Variants in LSM3 observed in about 807,000 individuals in gnomAD.
LSM3 encodes the protein LSM3 homolog, U6 small nuclear RNA and mRNA degradation associated.
In LSM3, 14 loss-of-function variants were observed where a neutral mutation model predicts 15.4. That is an observed-to-expected ratio of 0.91 (90% CI 0.60 to 1.42). LSM3 has a LOEUF of 1.42. Among genes scored for constraint, LSM3 ranks in the 40% most tolerant of loss-of-function variants. LSM3 has a pLI of 0.00. For synonymous variants in LSM3, 46 were observed against 45.1 expected (o/e 1.02, Z -0.08); for missense variants, 88 against 127.9 (o/e 0.69, Z 1.50).
intron 3 of LSM3, among the ~76,000 whole-genome samples, chr3:14,188,089 G>A (rs909309609): frequency 1.3e-5 from 2 of 152,164 alleles, no homozygotes; most frequent in African/African-American, 4.8e-5. Flanking sequence ...AGACCTTTCT[G>A]TAGATTAGCA....
intron 1 of LSM3, among the ~76,000 whole-genome samples, chr3:14,180,838 TTTTTTTTTTTTTTTTTTTTA>T (rs1559390170): frequency 1.2e-4 from 15 of 124,576 alleles, no homozygotes; most frequent in Admixed American, 7.1e-4. Flanking sequence ...TTTTTTTTTT[TTTTTTTTTTTTTTTTTTTTA>T]AAAAAAAAAA....
At chr3:14,197,024 G>T (rs986764054) in intron 3 of LSM3, among the ~76,000 whole-genome samples, 1 of 152,186 alleles carries the variant, frequency 6.6e-6, no homozygotes, top group Non-Finnish European at 1.5e-5. Context: ...TGCTACAAAA[G>T]TTTGGGTGGA....
intron 2 of LSM3, among the ~76,000 whole-genome samples, chr3:14,181,902 CTGTT>C (rs1374184817): frequency 6.6e-6 from 1 of 152,066 alleles, no homozygotes; most frequent in Non-Finnish European, 1.5e-5. Context: ...TTTTTCCCTT[CTGTT>C]TATTTGTAAA....
At position 14,183,923 on chromosome 3, in the gene LSM3, CCCT is replaced by C; in HGVS notation, c.133-11_133-9del. 1 of 1,585,228 alleles carries C rather than the reference CCCT, an allele frequency of 6.3e-7. No individual in the cohort carries two copies. Among genetic ancestry groups the C allele is most frequent in the East Asian group, 2.3e-5 (1 of 44,262 alleles). The stretch of plus-strand genomic sequence containing the variant: ...GATTATTAAATTTCTTGGTTCTGTA[CCCT>C]CCCACTTTAGGCTTATGATCAACAT... On this transcript the variant is annotated splice_polypyrimidine_tract_variant and intron_variant, in intron 2 of 3. Transcript: ENST00000306024.
chr3:14,190,195 C>T (rs946900735), intron 3 of LSM3, among the ~76,000 whole-genome samples: 1 of 152,166 alleles, frequency 6.6e-6, no homozygotes, highest in Non-Finnish European at 1.5e-5. Context: ...GTTTTGGTTA[C>T]TGTAGCCTTG....
At position 14,198,447 on chromosome 3, in the gene LSM3, C is replaced by A. The variant is rs78256238; in HGVS notation, c.*331C>A. 217 of 291,702 alleles carry A rather than the reference C, an allele frequency of 7.4e-4. 2 individuals are homozygous for A. The East Asian group carries it at 0.015, about 21-fold the overall frequency. The allele number at this position is 291,702 out of a possible 1,614,324, so 18.1% of individuals were successfully genotyped here. On this transcript the variant is annotated 3_prime_UTR_variant, in exon 4 of 4. Coordinates refer to ENST00000306024, the MANE Select transcript of LSM3 (RefSeq NM_014463.3). The stretch of plus-strand genomic sequence containing the variant: ...CCTTGTAGATTTTTTTAAGTGCGGT[C>A]TTCTGTCTTGTGAATTATTTAAAGT...
chr3:14,193,182 C>T (rs563743636), intron 3 of LSM3, among the ~76,000 whole-genome samples: 3 of 152,258 alleles, frequency 2.0e-5, no homozygotes, highest in East Asian at 1.9e-4. Context: ...GTGGGTAACC[C>T]GACCTTTCTG....
chr3:14,188,898 C>T (rs1697114695), intron 3 of LSM3, among the ~76,000 whole-genome samples: 1 of 152,018 alleles, frequency 6.6e-6, no homozygotes, highest in Admixed American at 6.6e-5. Flanking sequence ...TGGTGGTTTG[C>T]TGCACCCATC....
At chr3:14,178,905 C>A in intron 1 of LSM3, 24 bp downstream of exon 1, 1 of 1,613,816 alleles carries the variant, frequency 6.2e-7, no homozygotes, top group East Asian at 2.2e-5. Context: ...AAGGAGGTCG[C>A]TCGAAGGAGC....
In LSM3 at chr3:14,198,149, G is replaced by A. The variant is rs370062929; in HGVS notation, c.*33G>A. The stretch of plus-strand genomic sequence containing the variant: ...AATTTGTCCTGTATGGAAAACGGGA[G>A]ACTTTGTACAGTGGCCTCTCTAAAA... On this transcript the variant is annotated 3_prime_UTR_variant, in exon 4 of 4. Coordinates refer to ENST00000306024, the MANE Select transcript of LSM3 (RefSeq NM_014463.3). 34 of 1,521,400 alleles carry A rather than the reference G, an allele frequency of 2.2e-5. No individual in the cohort carries two copies. The African/African-American group carries it at 4.0e-4, about 18-fold the overall frequency. 94.2% of individuals were successfully genotyped at this position (1,521,400 alleles called of 1,614,324 possible). A position where few individuals can be genotyped will look rare whatever the true frequency, so the allele number is the denominator to read the frequency against.
At position 14,200,735 on chromosome 3, in the gene LSM3, A is replaced by G. The variant is rs1246545649; in HGVS notation, c.*2619A>G. On this transcript the variant is annotated 3_prime_UTR_variant, in exon 4 of 4. Coordinates refer to ENST00000306024, the MANE Select transcript of LSM3 (RefSeq NM_014463.3). ...AAACTTAATCATTAGCTGCAAATGG[A>G]CGATTTTCAAATTTCAAATAGTGAT... is the stretch of plus-strand genomic sequence containing the variant. The G allele has an allele frequency of 1.3e-5, 2 of 152,218 alleles. No individual in the cohort carries two copies. The highest frequency in any genetic ancestry group is 6.5e-5 in the Admixed American group (1 of 15,282). 9.4% of individuals were successfully genotyped at this position (152,218 alleles called of 1,614,324 possible).
chr3:14,181,518 C>T, intron 1 of LSM3, 42 bp from the exon 2 acceptor site: 2 of 1,289,798 alleles, frequency 1.6e-6, no homozygotes, highest in South Asian at 1.2e-5. Context: ...AAGCACTACT[C>T]TGACTCTAGT....
intron 1 of LSM3, among the ~76,000 whole-genome samples, chr3:14,179,653 A>G (rs556431476): frequency 1.3e-5 from 2 of 152,310 alleles, no homozygotes; most frequent in South Asian, 2.1e-4. Flanking sequence ...TCTCCCCACT[A>G]GAATGTAAAT....
rs146238470 is a variant in LSM3 at position 14,191,328 on chromosome 3, C to G, written c.229-6708C>G. On this transcript the variant is annotated intron_variant, in intron 3 of 3. Coordinates refer to ENST00000306024, the MANE Select transcript of LSM3 (RefSeq NM_014463.3). Reference sequence around the variant, plus strand: ...GAGTTAGGGAGGATTCCCTCTTTTTCTATTGTTTGGAATAGTTTTAGAAGG... The same window carrying G: ...GAGTTAGGGAGGATTCCCTCTTTTTGTATTGTTTGGAATAGTTTTAGAAGG... Among the ~76,000 whole-genome samples the G allele has an allele frequency of 6.0e-4, 92 of 152,222 alleles. 1 individual carries two copies. The East Asian group carries it at 0.017, about 28-fold the overall frequency.
At chr3:14,180,283 T>G (rs542985555) in intron 1 of LSM3, among the ~76,000 whole-genome samples, 1 of 152,278 alleles carries the variant, frequency 6.6e-6, no homozygotes, top group South Asian at 2.1e-4. Flanking sequence ...CTTTTCCTTT[T>G]TTTTTCTATT....
At chr3:14,188,068 A>G (rs1053974243) in intron 3 of LSM3, among the ~76,000 whole-genome samples, 1 of 152,122 alleles carries the variant, frequency 6.6e-6, no homozygotes, top group Non-Finnish European at 1.5e-5. Context: ...ACAGCATCAG[A>G]TGGCTCTTCT....
chr3:14,195,711 CT>C (rs1697181640), intron 3 of LSM3, among the ~76,000 whole-genome samples: 1 of 152,164 alleles, frequency 6.6e-6, no homozygotes, highest in Non-Finnish European at 1.5e-5. Context: ...TCCTTGGTGA[CT>C]GTAAAGCCAC....
rs1270436612 is a variant in LSM3, at chr3:14,184,039, C to G, written c.228+7C>G. ...ATATGAAGAGATATATAAAGTAAGTCATGCAATTCTATTCATTGCTTTGCA... is the reference window on the plus strand; with the variant it reads ...ATATGAAGAGATATATAAAGTAAGTGATGCAATTCTATTCATTGCTTTGCA... On this transcript the variant is annotated splice_region_variant and intron_variant, in intron 3 of 3. Coordinates refer to ENST00000306024, the MANE Select transcript of LSM3 (RefSeq NM_014463.3). 6.2e-7 allele frequency: 1 copy of G among 1,600,362 alleles called. No individual in the cohort carries two copies. Among genetic ancestry groups the G allele is most frequent in the East Asian group, 2.2e-5 (1 of 44,508 alleles).
intron 3 of LSM3, among the ~76,000 whole-genome samples, chr3:14,191,988 T>C (rs1248044698): frequency 6.6e-6 from 1 of 152,240 alleles, no homozygotes; most frequent in Non-Finnish European, 1.5e-5. Context: ...GTGTCTTCAT[T>C]CTCATTGGTT....
Sources: allele counts gnomAD v4.1 joint callset (sites outside exome capture counted in the v4.1 genomes callset), GRCh38; gene constraint gnomAD v4.1.1; transcripts MANE v1.5; gene names NCBI Gene and HGNC (gene_info 2026-07-23, HGNC 2026-07-21).